Variants in COG5 observed in about 807,000 individuals in gnomAD.
COG5 encodes component of oligomeric golgi complex 5.
Under a neutral mutation model 110.4 loss-of-function variants are expected in COG5, and 86 were observed. The observed-to-expected ratio is 0.78, with a 90% CI of 0.65 to 0.93. The LOEUF (loss-of-function observed/expected upper bound fraction) is 0.93, where lower values mean the gene tolerates loss of function less well. COG5 is among the 40% of genes least tolerant of loss of function. The pLI, the probability that COG5 is intolerant of heterozygous loss-of-function variation, is 0.00. For synonymous variants in COG5, 360 were observed against 334.6 expected (o/e 1.08, Z -0.83); for missense variants, 1,077 against 987.0 (o/e 1.09, Z -1.22).
At chr7:107,389,295 T>C (rs749359955) in intron 7 of COG5, among the ~76,000 whole-genome samples, 17 of 150,486 alleles carry the variant, frequency 1.1e-4, no homozygotes, top group South Asian at 4.1e-4. Flanking sequence ...CTAGGAGGGA[T>C]AGATTTACCC....
chr7:107,361,693 C>T (rs773847985), intron 10 of COG5, among the ~76,000 whole-genome samples: 2 of 152,188 alleles, frequency 1.3e-5, no homozygotes, highest in African/African-American at 2.4e-5. Context: ...TCCCGAGTAG[C>T]TGGGACTACA....
chr7:107,457,434 C>G (rs1358563609), intron 6 of COG5, among the ~76,000 whole-genome samples: 8 of 149,446 alleles, frequency 5.4e-5, no homozygotes, highest in Non-Finnish European at 7.4e-5. Context: ...TTGTTTGTTT[C>G]TTTGTTTTTT....
chr7:107,264,868 T>C (rs1245170741), intron 14 of COG5, among the ~76,000 whole-genome samples: 3 of 151,422 alleles, frequency 2.0e-5, no homozygotes, highest in African/African-American at 7.3e-5. Flanking sequence ...GAACAAACAA[T>C]GAAAGGAGCT....
chr7:107,487,198 T>TA (rs1166518936), intron 6 of COG5, among the ~76,000 whole-genome samples: 6 of 152,068 alleles, frequency 3.9e-5, no homozygotes, highest in Non-Finnish European at 8.8e-5. Flanking sequence ...AAAAAATAGT[T>TA]ACAAACCAAC....
chr7:107,296,080 T>TCCTTC (rs1317760957), intron 12 of COG5, among the ~76,000 whole-genome samples: 1 of 151,936 alleles, frequency 6.6e-6, no homozygotes. Flanking sequence ...TTCTTTCTTT[T>TCCTTC]CCTTCCCTTC....
At position 107,262,227 on chromosome 7, in the gene COG5, T is replaced by C. The variant is rs557427015; in HGVS notation, c.1576-3844A>G. ...CTAATTCCAATAATTCAGTAACCCC[T>C]TGAGACCTCCCAAATGTACCACCTT... On this transcript the variant is annotated intron_variant, in intron 14 of 21. Coordinates refer to ENST00000297135, the MANE Select transcript of COG5 (RefSeq NM_006348.5). Among the ~76,000 whole-genome samples the C allele has an allele frequency of 1.2e-3, 189 of 152,236 alleles. 2 individuals carry two copies. Among genetic ancestry groups the C allele is most frequent in the African/African-American group, 4.4e-3 (184 of 41,558 alleles).
At chr7:107,396,101 A>G (rs1790989351) in intron 7 of COG5, among the ~76,000 whole-genome samples, 1 of 152,228 alleles carries the variant, frequency 6.6e-6, no homozygotes, top group East Asian at 1.9e-4. Flanking sequence ...CATATGCTCC[A>G]TTATGTTACA....
intron 6 of COG5, among the ~76,000 whole-genome samples, chr7:107,477,002 A>C (rs1858889): frequency 0.43 from 65,278 of 151,370 alleles, 14,648 homozygotes; most frequent in Non-Finnish European, 0.5. Flanking sequence ...GCAAAAGCCC[A>C]ATTTCCTTCT....
chr7:107,426,507 A>G (rs981922479), intron 6 of COG5, among the ~76,000 whole-genome samples: 1 of 152,144 alleles, frequency 6.6e-6, no homozygotes, highest in African/African-American at 2.4e-5. Flanking sequence ...CAACATGGTC[A>G]GCTTCTGGTA....
chr7:107,208,533 G>A (rs183025881), intron 21 of COG5: 8 of 985,298 alleles, frequency 8.1e-6, no homozygotes, highest in Non-Finnish European at 9.6e-6. Context: ...GCAGCTGAGT[G>A]AATCTTTGGG....
chr7:107,495,944 T>A (rs536800285), intron 6 of COG5, among the ~76,000 whole-genome samples: 4 of 121,498 alleles, frequency 3.3e-5, no homozygotes, highest in African/African-American at 1.1e-4. Context: ...TTTACTCATT[T>A]TTTAATTATT....
At chr7:107,314,124 A>G (rs1808518944) in intron 11 of COG5, among the ~76,000 whole-genome samples, 1 of 152,208 alleles carries the variant, frequency 6.6e-6, no homozygotes, top group Admixed American at 6.5e-5. Flanking sequence ...CATTTTGAGC[A>G]AGAGAAGTCA....
At chr7:107,258,423 A>C (rs964282419) in intron 14 of COG5, 40 bp from the exon 15 acceptor site, 16 of 1,124,692 alleles carry the variant, frequency 1.4e-5, no homozygotes, top group Non-Finnish European at 2.2e-5. Flanking sequence ...TCAGAATGAT[A>C]ATTCTCTCTC....
At chr7:107,377,070 G>C (rs1653900149) in intron 7 of COG5, among the ~76,000 whole-genome samples, 2 of 151,850 alleles carry the variant, frequency 1.3e-5, no homozygotes, top group South Asian at 4.2e-4. Flanking sequence ...ACATTAACCT[G>C]GCCTCATAAA....
chr7:107,228,051 GCAGTCT>G (rs1336623213), intron 19 of COG5, among the ~76,000 whole-genome samples: 1 of 152,174 alleles, frequency 6.6e-6, no homozygotes, highest in Non-Finnish European at 1.5e-5. Context: ...TGTAATCCCA[GCAGTCT>G]GGGGGGCTGA....
At chr7:107,503,438 T>G (rs530754417) in intron 6 of COG5, among the ~76,000 whole-genome samples, 1 of 152,194 alleles carries the variant, frequency 6.6e-6, no homozygotes, top group Non-Finnish European at 1.5e-5. Context: ...AGTAATATGA[T>G]GCCTCCAGAT....
At chr7:107,502,712 G>A (rs531103113) in intron 6 of COG5, among the ~76,000 whole-genome samples, 7 of 152,112 alleles carry the variant, frequency 4.6e-5, no homozygotes, top group South Asian at 2.1e-4. Flanking sequence ...CATTCTAGAC[G>A]GAATAAGCTG....
chr7:107,357,746 A>G (rs954647504), intron 10 of COG5, among the ~76,000 whole-genome samples: 6 of 152,090 alleles, frequency 3.9e-5, no homozygotes, highest in African/African-American at 1.4e-4. Context: ...TTAACTGACT[A>G]TAACCTTGAA....
intron 11 of COG5, among the ~76,000 whole-genome samples, chr7:107,321,278 C>T (rs569360812): frequency 2.0e-5 from 3 of 151,926 alleles, no homozygotes; most frequent in Non-Finnish European, 2.9e-5. Flanking sequence ...GAACTGCATG[C>T]TAAAAACTAT....
Sources: gnomAD v4.1 joint callset for allele counts (sites outside exome capture counted in the v4.1 genomes callset) on GRCh38, gnomAD v4.1.1 for gene constraint, MANE v1.5 for transcripts, NCBI Gene and HGNC (gene_info 2026-07-23, HGNC 2026-07-21) for gene names.